The following SYT1 variants were observed in gnomAD, a reference collection of about 807,000 sequenced individuals.
SYT1 encodes the protein synaptotagmin-1.
SYT1 carries 8 observed loss-of-function variants against 44.8 expected under a neutral mutation model. The ratio of observed to expected loss-of-function variants is 0.18; its 90% confidence interval spans 0.10 to 0.32. The LOEUF is 0.32. Ranked by LOEUF, SYT1 falls within the 10% of genes least tolerant of loss-of-function variation. The pLI is 1.00. For missense variants in SYT1, 286 were observed against 509.3 expected (o/e 0.56, Z 4.22); for synonymous variants, 154 against 188.8 (o/e 0.82, Z 1.51).
At chr12:78,866,804 A>G (rs1041745135) in intron 1 of SYT1, among the ~76,000 whole-genome samples, 4 of 152,146 alleles carry the variant, frequency 2.6e-5, no homozygotes, top group Admixed American at 2.6e-4. Flanking sequence ...CACTTGATAT[A>G]AGAAAAGAGA....
chr12:79,081,791 A>T (rs1380423781), intron 3 of SYT1, among the ~76,000 whole-genome samples: 1 of 151,976 alleles, frequency 6.6e-6, no homozygotes, highest in Non-Finnish European at 1.5e-5. Flanking sequence ...TAAAATTAAC[A>T]ATTTGTTTCT....
chr12:79,288,407 A>C (rs1486576249), intron 5 of SYT1, among the ~76,000 whole-genome samples: 1 of 152,138 alleles, frequency 6.6e-6, no homozygotes, highest in Admixed American at 6.6e-5. Context: ...TTTTAGATAT[A>C]ATTTCTTAAT....
rs551278213 is a variant in SYT1, at chr12:79,444,351, G to A, written c.1062+145G>A. 2.2e-5 allele frequency: 23 copies of A among 1,051,930 alleles called. No individual in the cohort carries two copies. In the African/African-American group the frequency reaches 3.5e-4, roughly 16 times the overall value. 65.2% of individuals were successfully genotyped at this position (1,051,930 alleles called of 1,614,324 possible). On this transcript the variant is annotated intron_variant, in intron 10 of 10. Transcript: ENST00000261205. ...CTCCCCATGCACATTTGATGCTTGA[G>A]CTACATCAGGAAGGATAAAATATAC...
At chr12:78,931,094 G>A (rs1316205875) in intron 1 of SYT1, among the ~76,000 whole-genome samples, 4 of 149,832 alleles carry the variant, frequency 2.7e-5, no homozygotes, top group Admixed American at 6.7e-5. Context: ...CCCAGGAGGC[G>A]GAGGATGCAG....
intron 3 of SYT1, among the ~76,000 whole-genome samples, chr12:79,076,626 T>C (rs1281421839): frequency 1.3e-5 from 2 of 152,152 alleles, no homozygotes; most frequent in Non-Finnish European, 2.9e-5. Context: ...AAACATTCAG[T>C]GCGAGCATAT....
intron 1 of SYT1, among the ~76,000 whole-genome samples, chr12:78,912,444 G>A (rs540208185): frequency 6.6e-6 from 1 of 151,954 alleles, no homozygotes; most frequent in East Asian, 1.9e-4. Flanking sequence ...GAGACGTGGT[G>A]GAGAATAAAG....
intron 8 of SYT1, among the ~76,000 whole-genome samples, chr12:79,308,558 A>G (rs759547426): frequency 6.6e-6 from 1 of 150,596 alleles, no homozygotes; most frequent in Non-Finnish European, 1.5e-5. Flanking sequence ...GAAAAAAGAA[A>G]GAAAGGAAAA....
intron 3 of SYT1, among the ~76,000 whole-genome samples, chr12:79,191,263 C>T (rs1023783776): frequency 1.3e-5 from 2 of 151,924 alleles, no homozygotes; most frequent in Non-Finnish European, 2.9e-5. Flanking sequence ...TAAGGAATGT[C>T]TTGATGAAAC....
intron 2 of SYT1, among the ~76,000 whole-genome samples, chr12:79,040,401 T>G: frequency 6.6e-6 from 1 of 152,200 alleles, no homozygotes; most frequent in Admixed American, 6.5e-5. Flanking sequence ...TCATGTGTTT[T>G]TTGGCAGCAT....
At chr12:79,133,081 A>C (rs1379213013) in intron 3 of SYT1, among the ~76,000 whole-genome samples, 1 of 152,162 alleles carries the variant, frequency 6.6e-6, no homozygotes, top group Non-Finnish European at 1.5e-5. Flanking sequence ...TAGTTACTAG[A>C]GGCTTGGAAT....
At chr12:79,292,663 A>T (rs1217967444) in intron 6 of SYT1, among the ~76,000 whole-genome samples, 3 of 152,190 alleles carry the variant, frequency 2.0e-5, no homozygotes, top group African/African-American at 7.2e-5. Context: ...TGCTAATGAG[A>T]CAGCAATTCT....
intron 3 of SYT1, among the ~76,000 whole-genome samples, chr12:79,066,318 A>G (rs1875847946): frequency 6.6e-6 from 1 of 152,278 alleles, no homozygotes; most frequent in Middle Eastern, 3.4e-3. Flanking sequence ...GTGGGGGCTC[A>G]CAGCTGCCTA....
chr12:79,179,641 A>T (rs993584573), intron 3 of SYT1, among the ~76,000 whole-genome samples: 2 of 151,352 alleles, frequency 1.3e-5, no homozygotes, highest in Non-Finnish European at 2.9e-5. Flanking sequence ...GCTGGTCTCA[A>T]ACTCCCGACC....
intron 3 of SYT1, among the ~76,000 whole-genome samples, chr12:79,136,049 G>A (rs982441163): frequency 6.6e-6 from 1 of 152,156 alleles, no homozygotes; most frequent in African/African-American, 2.4e-5. Context: ...AAAGGAGTTG[G>A]GTTGAGTTCA....
intron 1 of SYT1, among the ~76,000 whole-genome samples, chr12:78,943,375 C>G (rs1878487744): frequency 6.6e-6 from 1 of 152,062 alleles, no homozygotes; most frequent in Admixed American, 6.6e-5. Context: ...TGGCAGATTA[C>G]AAAAGGGGAG....
At chr12:78,948,476 C>A (rs527697947) in intron 1 of SYT1, among the ~76,000 whole-genome samples, 1 of 151,976 alleles carries the variant, frequency 6.6e-6, no homozygotes, top group East Asian at 1.9e-4. Context: ...ATACATGATA[C>A]AGATATAATA....
At chr12:78,865,744 G>C (rs900870927) in intron 1 of SYT1, among the ~76,000 whole-genome samples, 1 of 152,002 alleles carries the variant, frequency 6.6e-6, no homozygotes, top group South Asian at 2.1e-4. Flanking sequence ...CACTTGATTC[G>C]TTCAAATGGA....
intron 1 of SYT1, among the ~76,000 whole-genome samples, chr12:78,885,722 C>A (rs1030238406): frequency 6.6e-6 from 1 of 151,826 alleles, no homozygotes; most frequent in Non-Finnish European, 1.5e-5. Context: ...TGGTGTAAGG[C>A]CCTGGGGTGA....
chr12:79,214,906 AT>A (rs1459885711), intron 3 of SYT1, among the ~76,000 whole-genome samples: 7 of 151,176 alleles, frequency 4.6e-5, no homozygotes, highest in Non-Finnish European at 1.0e-4. Flanking sequence ...GGAAAAATTA[AT>A]TTTTTGAATA....
Sources: gnomAD v4.1 joint callset for allele counts (sites outside exome capture counted in the v4.1 genomes callset) on GRCh38, gnomAD v4.1.1 for gene constraint, MANE v1.5 for transcripts, NCBI Gene and HGNC (gene_info 2026-07-23, HGNC 2026-07-21) for gene names.